The following ALPK2 variants were observed in gnomAD, a reference collection of about 807,000 sequenced individuals.
The protein encoded by ALPK2 is alpha kinase 2.
Under a neutral mutation model 163.1 loss-of-function variants are expected in ALPK2, and 127 were observed. That is an observed-to-expected ratio of 0.78 (90% confidence interval 0.67 to 0.90). ALPK2 has a LOEUF of 0.90. ALPK2 is among the 40% of genes least tolerant of loss of function. The probability of loss-of-function intolerance (pLI) is 0.00; values close to 1 mark genes in which losing one functional copy is unlikely to be tolerated. For missense variants in ALPK2, 2,360 were observed against 2,589.6 expected (o/e 0.91, Z 1.92); for synonymous variants, 953 against 959.1 (o/e 0.99, Z 0.12).
intron 2 of ALPK2, among the ~76,000 whole-genome samples, chr18:58,608,706 G>A (rs565771846): frequency 6.6e-6 from 1 of 152,272 alleles, no homozygotes; most frequent in East Asian, 1.9e-4. Context: ...CCAGCACTTT[G>A]GGAGGCCGAG....
At chr18:58,565,273 A>T (rs1046913679) in intron 4 of ALPK2, among the ~76,000 whole-genome samples, 1 of 152,232 alleles carries the variant, frequency 6.6e-6, no homozygotes, top group African/African-American at 2.4e-5. Context: ...CGATATTGAG[A>T]AGTGAAACTG....
At chr18:58,531,880 T>C (rs530849102) in intron 5 of ALPK2, among the ~76,000 whole-genome samples, 25 of 123,492 alleles carry the variant, frequency 2.0e-4, no homozygotes, top group African/African-American at 7.5e-4. Flanking sequence ...GAGGTTGTAG[T>C]GAGCCGAGAT....
intron 11 of ALPK2, among the ~76,000 whole-genome samples, chr18:58,500,506 G>A (rs2051426179): frequency 6.6e-6 from 1 of 152,194 alleles, no homozygotes; most frequent in Admixed American, 6.5e-5. Context: ...ATTATGTCAA[G>A]GTTACTAGGA....
intron 4 of ALPK2, chr18:58,543,378 G>A (rs1407028620): frequency 3.5e-5 from 34 of 985,316 alleles, no homozygotes; most frequent in South Asian, 4.7e-5. Context: ...GACCTCAGGC[G>A]GCTATGTGTA....
chr18:58,529,739 A>C (rs920266270), intron 5 of ALPK2, among the ~76,000 whole-genome samples: 2 of 152,218 alleles, frequency 1.3e-5, no homozygotes, highest in Admixed American at 1.3e-4. Context: ...CCCTTTTATC[A>C]CACTTGTCTT....
intron 4 of ALPK2, among the ~76,000 whole-genome samples, chr18:58,539,621 G>C (rs1232500177): frequency 2.0e-5 from 3 of 152,202 alleles, no homozygotes; most frequent in Admixed American, 6.5e-5. Context: ...GCCACATTCA[G>C]ATGTGCAGGG....
intron 1 of ALPK2, among the ~76,000 whole-genome samples, chr18:58,621,351 TGCAA>T (rs1346996584): frequency 2.6e-5 from 4 of 151,426 alleles, no homozygotes; most frequent in African/African-American, 9.7e-5. Flanking sequence ...CTCGGCTCAC[TGCAA>T]GCTCCGCCTC....
At chr18:58,574,693 C>T (rs1479131301) in intron 4 of ALPK2, among the ~76,000 whole-genome samples, 3 of 152,082 alleles carry the variant, frequency 2.0e-5, no homozygotes, top group South Asian at 2.1e-4. Flanking sequence ...CGCCCCGTTC[C>T]GGCTGTGGAA....
intron 4 of ALPK2, among the ~76,000 whole-genome samples, chr18:58,576,498 CTT>C (rs2051922450): frequency 6.6e-6 from 1 of 152,308 alleles, no homozygotes; most frequent in Admixed American, 6.5e-5. Context: ...TTTAAAATGT[CTT>C]TTGAATTTGT....
intron 8 of ALPK2, among the ~76,000 whole-genome samples, chr18:58,522,959 A>G (rs762282153): frequency 3.8e-4 from 57 of 151,024 alleles, no homozygotes; most frequent in Non-Finnish European, 5.8e-4. Flanking sequence ...CATGTGCCCA[A>G]TGTGCAGGTT....
intron 10 of ALPK2, among the ~76,000 whole-genome samples, chr18:58,513,657 A>T (rs1329182436): frequency 6.6e-6 from 1 of 152,198 alleles, no homozygotes. Context: ...CAGGAAGATC[A>T]CTTGAGGCCA....
chr18:58,481,809 G>A lies in ALPK2; in HGVS notation c.*14C>T. 3 of 1,606,774 alleles carry A rather than the reference G, an allele frequency of 1.9e-6. No individual in the cohort carries two copies. The highest frequency in any genetic ancestry group is 2.6e-6 in the Non-Finnish European group (3 of 1,173,640). The stretch of plus-strand genomic sequence containing the variant: ...TGTGCTGCTAGCCAGTGGCCATTAG[G>A]TTACCCAGGGACGTTAGGTTTTCTT... On this transcript the variant is annotated 3_prime_UTR_variant, in exon 13 of 13. Transcript: ENST00000361673.
intron 10 of ALPK2, among the ~76,000 whole-genome samples, chr18:58,513,125 TTGTA>T (rs764704279): frequency 5.3e-4 from 78 of 146,804 alleles, no homozygotes; most frequent in South Asian, 2.4e-3. Flanking sequence ...TGGTGTGTGT[TTGTA>T]TGTAATCTGT....
intron 12 of ALPK2, among the ~76,000 whole-genome samples, chr18:58,485,753 C>T (rs753808498): frequency 2.6e-5 from 4 of 152,010 alleles, no homozygotes; most frequent in Non-Finnish European, 5.9e-5. Flanking sequence ...GGGCCTGCTC[C>T]GTCAGGATGG....
chr18:58,611,755 A>G lies in ALPK2; in HGVS notation c.43T>C (p.Leu15=), dbSNP rs1195154101. The G allele has an allele frequency of 1.2e-6, 2 of 1,612,544 alleles. No individual in the cohort carries two copies. Among genetic ancestry groups the G allele is most frequent in the Non-Finnish European group, 1.7e-6 (2 of 1,179,414 alleles). The change falls in exon 2 of 13, where the codon TTA becomes CTA. Residue 15 remains leucine, a synonymous_variant. Transcript: ENST00000361673. ...EGPQRPPLCF[L]STLLSQKVPE... is the part of the protein sequence containing the mutation. ...ACCTTCTGGGAAAGCAATGTAGATA[A>G]AAAACACAGCGGGGGCCTCTGGGGC...
intron 4 of ALPK2, among the ~76,000 whole-genome samples, chr18:58,564,791 A>G (rs1051974618): frequency 6.6e-6 from 1 of 152,214 alleles, no homozygotes; most frequent in African/African-American, 2.4e-5. Flanking sequence ...GGTTAATGGC[A>G]GAACCAGAAC....
intron 4 of ALPK2, among the ~76,000 whole-genome samples, chr18:58,569,651 A>G (rs928031284): frequency 5.9e-5 from 9 of 152,206 alleles, no homozygotes; most frequent in African/African-American, 2.2e-4. Context: ...ACTGAGGATA[A>G]TAACTGTAGT....
intron 3 of ALPK2, among the ~76,000 whole-genome samples, chr18:58,586,416 A>G (rs1263748067): frequency 1.3e-5 from 2 of 152,232 alleles, no homozygotes; most frequent in Admixed American, 1.3e-4. Flanking sequence ...TCTGAAAATT[A>G]AAGGCAATCT....
intron 4 of ALPK2, among the ~76,000 whole-genome samples, chr18:58,572,294 G>C (rs1035156481): frequency 6.6e-6 from 1 of 152,174 alleles, no homozygotes; most frequent in African/African-American, 2.4e-5. Flanking sequence ...ATACATTGCT[G>C]ATGGGAATGT....
Sources: gnomAD v4.1 joint callset for allele counts (sites outside exome capture counted in the v4.1 genomes callset) on GRCh38, gnomAD v4.1.1 for gene constraint, MANE v1.5 for transcripts, NCBI Gene and HGNC (gene_info 2026-07-23, HGNC 2026-07-21) for gene names.